The following ESCO2 variants were observed in gnomAD, a reference collection of about 807,000 sequenced individuals.
The protein encoded by ESCO2 is N-acetyltransferase ESCO2.
A neutral mutation model predicts 61.7 loss-of-function variants in ESCO2; 51 were observed. The observed-to-expected ratio is 0.83, with a 90% CI of 0.66 to 1.04. ESCO2 has a LOEUF of 1.04. Ranked by LOEUF, ESCO2 falls within the 50% of genes least tolerant of loss-of-function variation. The pLI is 0.00. For synonymous variants in ESCO2, 230 were observed against 238.2 expected, an observed-to-expected ratio of 0.97 and a Z score of 0.32; for missense variants, 692 against 686.2, an observed-to-expected ratio of 1.01 and a Z score of -0.09.
At chr8:27,778,409 T>C (rs1804848251) in intron 3 of ESCO2, 1 of 152,222 alleles carries the variant, frequency 6.6e-6, no homozygotes, top group African/African-American at 2.4e-5. Flanking sequence ...AGTCTAATTT[T>C]ACTAATTCAT....
At chr8:27,816,378 TTTTA>T (rs1563489353), downstream of ESCO2, among the ~76,000 whole-genome samples, 5 of 144,978 alleles carry the variant, frequency 3.4e-5, no homozygotes, top group East Asian at 2.0e-4. Context: ...TATTTATTTA[TTTTA>T]ATTTATTTTT....
chr8:27,810,587 G>T, downstream of ESCO2: 1 of 726,472 alleles, frequency 1.4e-6, no homozygotes, highest in Non-Finnish European at 2.3e-6. Context: ...CCTGAAACAA[G>T]AATTTATGGT....
At chr8:27,787,746 C>G in intron 5 of ESCO2, 139 bp from the exon 6 acceptor site, 1 of 670,224 alleles carries the variant, frequency 1.5e-6, no homozygotes, top group Non-Finnish European at 2.6e-6. Context: ...TCTCTTTGTT[C>G]CTGTCCTTAT....
Position 27,775,546 on chromosome 8 carries a change from A to G in ESCO2, c.32A>G (p.Gln11Arg). Residue 11 changes from glutamine (Q) to arginine (R), a missense_variant, in exon 2 of 11, where the codon CAG (glutamine) becomes CGG (arginine). Gln to Arg is a conservative substitution (Grantham distance 43). Transcript: ENST00000305188. MAALTPRKRK[Q>R]DSLKCDSLLH... The stretch of plus-strand genomic sequence containing the variant: ...GCTCTTACTCCAAGGAAGAGGAAGC[A>G]GGATTCTTTGAAGTGTGACAGGTGA... 1.9e-6 allele frequency: 3 copies of G among 1,614,166 alleles called. No homozygotes were observed. Among genetic ancestry groups the G allele is most frequent in the Non-Finnish European group, 2.5e-6 (3 of 1,179,998 alleles).
chr8:27,777,231 A>G, intron 3 of ESCO2, 62 bp downstream of exon 3: 1 of 1,469,974 alleles, frequency 6.8e-7, no homozygotes, highest in Admixed American at 2.2e-5. Context: ...TAAATGACAT[A>G]GTTGAATAAA....
At chr8:27,811,245 T>A, downstream of ESCO2, 1 of 862,112 alleles carries the variant, frequency 1.2e-6, no homozygotes, top group Non-Finnish European at 1.9e-6. Context: ...GGTTAATCAG[T>A]GTAGCCAGAA....
Position 27,786,019 on chromosome 8 carries a change from G to A in ESCO2, c.1014-1866G>A, listed in dbSNP as rs146815424. On this transcript the variant is annotated intron_variant, in intron 5 of 10. Coordinates refer to ENST00000305188, the MANE Select transcript of ESCO2 (RefSeq NM_001017420.3). Reference sequence around the variant, plus strand: ...ATATAGTGTTAGAGTTGCTAAAATGGAAGCAAAGAGATGGCTGTCACGCAT... The same window carrying A: ...ATATAGTGTTAGAGTTGCTAAAATGAAAGCAAAGAGATGGCTGTCACGCAT... Among the ~76,000 whole-genome samples, 442 of 152,276 alleles carry A rather than the reference G, an allele frequency of 2.9e-3. 1 individual carries two copies. Among genetic ancestry groups the A allele is most frequent in the Non-Finnish European group, 3.5e-3 (236 of 68,014 alleles).
At chr8:27,812,255 CTT>C (rs1379703063), downstream of ESCO2, 1 of 151,992 alleles carries the variant, frequency 6.6e-6, no homozygotes, top group African/African-American at 2.4e-5. Context: ...TTTAAACTAA[CTT>C]TTAAATCAAG....
chr8:27,773,024 GTCC>G (rs898172707), upstream of ESCO2, among the ~76,000 whole-genome samples: 1 of 152,100 alleles, frequency 6.6e-6, no homozygotes, highest in Admixed American at 6.5e-5. Context: ...AACCTCAGAG[GTCC>G]TCCTGCTATA....
chr8:27,803,277 T>C (rs1805490631), intron 10 of ESCO2, 29 bp from the exon 11 acceptor site: 1 of 1,600,466 alleles, frequency 6.2e-7, no homozygotes, highest in East Asian at 2.2e-5. Flanking sequence ...GTTGCTTCCA[T>C]CATTAAATCA....
chr8:27,792,155 A>G (rs1805191339), intron 8 of ESCO2, 103 bp downstream of exon 8: 3 of 1,052,946 alleles, frequency 2.8e-6, no homozygotes, highest in Non-Finnish European at 4.4e-6. Flanking sequence ...TCACTTGGGT[A>G]CCTGCTTAAT....
At chr8:27,781,032 C>G (rs944162745) in intron 4 of ESCO2, among the ~76,000 whole-genome samples, 6 of 151,920 alleles carry the variant, frequency 3.9e-5, no homozygotes, top group African/African-American at 1.5e-4. Flanking sequence ...ATAAATTTTT[C>G]TTTTAAAATA....
At chr8:27,775,650 C>T (rs1029614945) in intron 2 of ESCO2, 83 bp downstream of exon 2, 7 of 1,342,120 alleles carry the variant, frequency 5.2e-6, no homozygotes, top group Non-Finnish European at 6.4e-6. Context: ...CTAAAATTTT[C>T]GTTCTTCCAC....
chr8:27,780,485 C>G (rs1804902185), intron 4 of ESCO2, among the ~76,000 whole-genome samples: 2 of 152,162 alleles, frequency 1.3e-5, no homozygotes, highest in South Asian at 4.1e-4. Context: ...AAATTTTAGA[C>G]AAAATATTAG....
downstream of ESCO2, among the ~76,000 whole-genome samples, chr8:27,807,999 T>C (rs1003277509): frequency 6.8e-4 from 104 of 152,338 alleles, no homozygotes; most frequent in Middle Eastern, 0.01. Flanking sequence ...CTTCCTAGTC[T>C]CTGGAACTAT....
chr8:27,816,236 G>C (rs1260609717), downstream of ESCO2, among the ~76,000 whole-genome samples: 1 of 151,634 alleles, frequency 6.6e-6, no homozygotes, highest in Non-Finnish European at 1.5e-5. Context: ...GTAAGACTGT[G>C]TCTGTCTCAT....
Position 27,799,585 on chromosome 8 carries a change from C to T in ESCO2, c.1542C>T (p.Ser514=), listed in dbSNP as rs570471995. 51 of 1,613,926 alleles carry T rather than the reference C, an allele frequency of 3.2e-5. No individual in the cohort carries two copies. The highest frequency in any genetic ancestry group is 2.5e-4 in the South Asian group (23 of 91,066). The change falls in exon 10 of 11, where the codon AGC becomes AGT. Residue 514 remains serine (S), a synonymous_variant. Transcript: ENST00000305188. ...LSEPIGPESP[S]STECPRAWQC... is the part of the protein sequence containing the mutation. ...AACCAATTGGTCCAGAATCCCCAAG[C>T]TCTACGGAATGTCCTAGGGCTTGGC...
chr8:27,778,989 C>G (rs868262836), intron 3 of ESCO2: 5 of 152,504 alleles, frequency 3.3e-5, no homozygotes, highest in African/African-American at 1.2e-4. Context: ...GATCTCAACT[C>G]ACTGCAACCT....
chr8:27,792,643 C>G, intron 8 of ESCO2, 25 bp from the exon 9 acceptor site: 1 of 1,608,420 alleles, frequency 6.2e-7, no homozygotes, highest in Non-Finnish European at 8.5e-7. Flanking sequence ...AAACATTCAC[C>G]TGTCTTGGTT....
Sources: gnomAD v4.1 joint callset for allele counts (sites outside exome capture counted in the v4.1 genomes callset) on GRCh38, gnomAD v4.1.1 for gene constraint, MANE v1.5 for transcripts, NCBI Gene and HGNC (gene_info 2026-07-23, HGNC 2026-07-21) for gene names.